MAJIN: variants seen among roughly 807,000 people sequenced by gnomAD.
MAJIN encodes membrane-anchored junction protein.
A neutral mutation model predicts 30.2 loss-of-function variants in MAJIN; 27 were observed. The observed-to-expected ratio is 0.89, with a 90% CI of 0.66 to 1.23. The LOEUF (loss-of-function observed/expected upper bound fraction) is 1.23. Among genes scored for constraint, MAJIN ranks in the 50% most tolerant of loss-of-function variants. The pLI is 0.00. For synonymous variants in MAJIN, 78 were observed against 91.6 expected (o/e 0.85, Z 0.85); for missense variants, 253 against 260.3 (o/e 0.97, Z 0.19).
intron 1 of MAJIN, among the ~76,000 whole-genome samples, chr11:64,966,805 G>T (rs1044954918): frequency 6.6e-6 from 1 of 151,634 alleles, no homozygotes; most frequent in African/African-American, 2.4e-5. Context: ...ATGGTGGCAG[G>T]TGCCTGTAAT....
At position 64,949,889 on chromosome 11, in the gene MAJIN, G is replaced by A. The variant is rs1425834076; in HGVS notation, c.224-21C>T. ...TTTATCTGGAAAATGGTGCTAAGGA[G>A]TAAGGAAAGATGCCAGTATGCATTC... On this transcript the variant is annotated intron_variant, in intron 5 of 10. Coordinates refer to ENST00000301896, the MANE Select transcript of MAJIN (RefSeq NM_001037225.3). 4 of 1,599,856 alleles carry A rather than the reference G, an allele frequency of 2.5e-6. No individual in the cohort carries two copies. In the South Asian group the frequency reaches 4.4e-5, roughly 18 times the overall value.
chr11:64,948,661 T>A (rs1945500981), intron 6 of MAJIN, among the ~76,000 whole-genome samples: 2 of 83,394 alleles, frequency 2.4e-5, no homozygotes, highest in Non-Finnish European at 4.7e-5. Flanking sequence ...TTTTTTTTTT[T>A]TTTTTTTTTT....
At chr11:64,959,238 T>TGAC in intron 3 of MAJIN, 67 bp downstream of exon 3, 1 of 1,278,578 alleles carries the variant, frequency 7.8e-7, no homozygotes, top group African/African-American at 1.5e-5. Flanking sequence ...AAAGAAGAGG[T>TGAC]GACCTGTGGG....
chr11:64,961,160 T>C (rs1371789050), intron 1 of MAJIN, among the ~76,000 whole-genome samples: 1 of 152,004 alleles, frequency 6.6e-6, no homozygotes, highest in Non-Finnish European at 1.5e-5. Flanking sequence ...GGATTATTTT[T>C]TTGTTTTTGT....
intron 8 of MAJIN, among the ~76,000 whole-genome samples, chr11:64,942,462 C>T (rs1446842240): frequency 6.6e-6 from 1 of 151,992 alleles, no homozygotes; most frequent in Non-Finnish European, 1.5e-5. Context: ...CCCCAAAGTC[C>T]ATTGTATCAT....
chr11:64,951,509 C>T lies in MAJIN; in HGVS notation c.148-1079G>A, dbSNP rs369717927. 1.0e-3 allele frequency among the ~76,000 whole-genome samples: 155 copies of T among 152,254 alleles called. 1 individual carries two copies. Among genetic ancestry groups the T allele is most frequent in the African/African-American group, 3.6e-3 (150 of 41,570 alleles). ...GGCCAGCGCAGTGGCTCATGCCTGT[C>T]ATCCCAGCACTCTGCGAGGCCAAGG... On this transcript the variant is annotated intron_variant, in intron 4 of 10. Coordinates refer to ENST00000301896, the MANE Select transcript of MAJIN (RefSeq NM_001037225.3).
At chr11:64,939,841 A>C in intron 9 of MAJIN, 74 bp from the exon 10 acceptor site, 1 of 1,342,882 alleles carries the variant, frequency 7.4e-7, no homozygotes. Context: ...AAGGCCAAAC[A>C]CCCAGTATGA....
chr11:64,959,254 A>G, intron 3 of MAJIN, 51 bp downstream of exon 3: 1 of 1,438,738 alleles, frequency 7.0e-7, no homozygotes. Context: ...GTGGGAATGC[A>G]CTAGCACTAA....
intron 1 of MAJIN, among the ~76,000 whole-genome samples, chr11:64,966,416 T>A (rs1945810531): frequency 6.6e-6 from 1 of 151,780 alleles, no homozygotes. Context: ...AAGCCTGTAG[T>A]CCCAGATACT....
chr11:64,951,525 G>A (rs370693630), intron 4 of MAJIN, among the ~76,000 whole-genome samples: 1 of 152,166 alleles, frequency 6.6e-6, no homozygotes, highest in African/African-American at 2.4e-5. Context: ...AGCACTCTGC[G>A]AGGCCAAGGC....
intron 3 of MAJIN, among the ~76,000 whole-genome samples, chr11:64,957,309 C>T (rs1374233903): frequency 6.6e-6 from 1 of 151,632 alleles, no homozygotes; most frequent in South Asian, 2.1e-4. Flanking sequence ...CAAACTCCTA[C>T]GCTCAAGCAA....
chr11:64,959,093 CAA>C (rs34562472), intron 3 of MAJIN, among the ~76,000 whole-genome samples: 28 of 53,568 alleles, frequency 5.2e-4, no homozygotes, highest in Non-Finnish European at 6.3e-4. Flanking sequence ...TGCTTCTCTT[CAA>C]AAAAAAAAAA....
At chr11:64,954,713 C>A in intron 4 of MAJIN, 44 bp downstream of exon 4, 1 of 1,591,214 alleles carries the variant, frequency 6.3e-7, no homozygotes, top group Non-Finnish European at 8.6e-7. Context: ...TGGATGCATC[C>A]TTAAAGAGTA....
intron 1 of MAJIN, among the ~76,000 whole-genome samples, chr11:64,962,761 A>G (rs1002329846): frequency 3.3e-5 from 5 of 152,156 alleles, no homozygotes; most frequent in African/African-American, 1.2e-4. Flanking sequence ...TACTTTGTAA[A>G]TTCCAGAGTA....
rs573335578 is a variant in MAJIN, at chr11:64,945,019, C to T, written c.473+2355G>A. On this transcript the variant is annotated intron_variant, in intron 8 of 10. Coordinates refer to ENST00000301896, the MANE Select transcript of MAJIN (RefSeq NM_001037225.3). Reference sequence around the variant, plus strand: ...CCCTTCACTGCTCTAGAAGTTTTCTCTTACCAGTTATCAGTGCTGATACAT... The same window carrying T: ...CCCTTCACTGCTCTAGAAGTTTTCTTTTACCAGTTATCAGTGCTGATACAT... Among the ~76,000 whole-genome samples, 11 of 152,254 alleles carry T rather than the reference C, an allele frequency of 7.2e-5. No individual in the cohort carries two copies. In the East Asian group the frequency reaches 1.9e-3, roughly 27 times the overall value.
chr11:64,943,448 C>A (rs2136724552), intron 8 of MAJIN, among the ~76,000 whole-genome samples: 1 of 152,108 alleles, frequency 6.6e-6, no homozygotes, highest in Admixed American at 6.5e-5. Context: ...CACGCACATG[C>A]ACAGTGACTG....
Position 64,949,850 on chromosome 11 carries a change from C to T in MAJIN, c.242G>A (p.Arg81Lys). The stretch of plus-strand genomic sequence containing the variant: ...ATGTTTGAATTTCAGGTGGGAAACT[C>T]TCTCCCATTTGCTTTTATCTGGAAA... ...IVFPYKSKWERVSHLKFKHGE... is the reference protein window; with the variant it reads ...IVFPYKSKWEKVSHLKFKHGE... The change falls in exon 6 of 11, where the codon AGA becomes AAA. Residue 81 changes from arginine to lysine, a missense_variant. Arg to Lys is a conservative substitution (Grantham distance 26). Transcript: ENST00000301896. 3 of 1,605,946 alleles carry T rather than the reference C, an allele frequency of 1.9e-6. No homozygotes were observed. The highest frequency in any genetic ancestry group is 2.5e-6 in the Non-Finnish European group (3 of 1,179,896).
At chr11:64,959,149 T>C (rs555416296) in intron 3 of MAJIN, among the ~76,000 whole-genome samples, 156 bp downstream of exon 3, 39 of 146,870 alleles carry the variant, frequency 2.7e-4, no homozygotes, top group African/African-American at 4.3e-4. Flanking sequence ...ATGAATAATA[T>C]ATATACTGAA....
At chr11:64,951,268 TTTTG>T (rs1348101036) in intron 4 of MAJIN, among the ~76,000 whole-genome samples, 1 of 152,244 alleles carries the variant, frequency 6.6e-6, no homozygotes, top group African/African-American at 2.4e-5. Context: ...AGTATTTTGC[TTTTG>T]TTTAAGTCAA....
Sources: gnomAD v4.1 joint callset for allele counts (sites outside exome capture counted in the v4.1 genomes callset) on GRCh38, gnomAD v4.1.1 for gene constraint, MANE v1.5 for transcripts, NCBI Gene and HGNC (gene_info 2026-07-23, HGNC 2026-07-21) for gene names.